The following NOP58 variants were observed in gnomAD, a reference collection of about 807,000 sequenced individuals.
The protein encoded by NOP58 is NOP58 ribonucleoprotein.
NOP58 carries 44 observed loss-of-function variants against 71.2 expected under a neutral mutation model. The observed-to-expected ratio is 0.62, with a 90% confidence interval of 0.49 to 0.79. The LOEUF is 0.79. Among genes scored for constraint, NOP58 ranks in the 30% least tolerant of loss-of-function variants. The pLI, the probability that NOP58 is intolerant of heterozygous loss-of-function variation, is 0.00. For missense variants in NOP58, 538 were observed against 620.2 expected (o/e 0.87, Z 1.41); for synonymous variants, 228 against 200.3 (o/e 1.14, Z -1.17).
intron 13 of NOP58, 101 bp downstream of exon 13, chr2:202,300,468 A>T: frequency 3.2e-6 from 3 of 932,910 alleles, no homozygotes; most frequent in South Asian, 3.5e-5. Context: ...TTATTATAAA[A>T]CTGCTCATTG....
In NOP58 at chr2:202,292,811, A is replaced by G; in HGVS notation, c.815A>G (p.Tyr272Cys). ...IEISEYRTQL[Y>C]EYLQNRMMAI... Reference sequence around the variant, plus strand: ...ATCTCTGAATATCGAACCCAGCTCTATGAATATCTACAAAATCGAATGATG... The same window carrying G: ...ATCTCTGAATATCGAACCCAGCTCTGTGAATATCTACAAAATCGAATGATG... The change falls in exon 9 of 15, where the codon TAT becomes TGT. Residue 272 changes from tyrosine (Y) to cysteine (C), a missense_variant. By Grantham distance (194) the Tyr-to-Cys change is radical. Transcript: ENST00000264279. 2 of 1,612,856 alleles carry G rather than the reference A, an allele frequency of 1.2e-6. No individual in the cohort carries two copies. The highest frequency in any genetic ancestry group is 8.5e-7 in the Non-Finnish European group (1 of 1,178,800).
chr2:202,276,669 A>G (rs547361011), intron 2 of NOP58, among the ~76,000 whole-genome samples: 2 of 151,790 alleles, frequency 1.3e-5, no homozygotes, highest in South Asian at 4.2e-4. Flanking sequence ...GGAAAACCCC[A>G]TCTCTACCAA....
At position 202,277,987 on chromosome 2, in the gene NOP58, G is replaced by A. The variant is rs375767116; in HGVS notation, c.160G>A (p.Ala54Thr). The A allele has an allele frequency of 5.2e-6, 8 of 1,552,862 alleles. No individual in the cohort carries two copies. Among genetic ancestry groups the A allele is most frequent in the Non-Finnish European group, 7.1e-6 (8 of 1,132,036 alleles). ...LKHFEKFQDT[A>T]EALAAFTALM... is the part of the protein sequence containing the mutation. ...ACATTTTGAGAAATTTCAGGATACAGCAGAAGCATTAGCAGGTAAAGTAAA... is the reference window on the plus strand; with the variant it reads ...ACATTTTGAGAAATTTCAGGATACAACAGAAGCATTAGCAGGTAAAGTAAA... The change falls in exon 3 of 15, where the codon GCA becomes ACA. Residue 54 changes from alanine (A) to threonine (T), a missense_variant. By Grantham distance (58) the Ala-to-Thr change is moderately conservative. Transcript: ENST00000264279.
chr2:202,271,854 G>C (rs191147238), intron 1 of NOP58, among the ~76,000 whole-genome samples: 1 of 152,250 alleles, frequency 6.6e-6, no homozygotes, highest in Admixed American at 6.5e-5. Context: ...CGAGGCAGAA[G>C]AATCGCTTGA....
At chr2:202,275,548 C>T (rs76658848) in intron 2 of NOP58, 16,984 of 166,164 alleles carry the variant, frequency 0.1, 1,062 homozygotes, top group South Asian at 0.23. Flanking sequence ...AAGCACTTAC[C>T]GCACACAGGG....
At chr2:202,298,038 G>A (rs983302806) in intron 12 of NOP58, 132 bp downstream of exon 12, 7 of 576,130 alleles carry the variant, frequency 1.2e-5, no homozygotes, top group Non-Finnish European at 2.1e-5. Flanking sequence ...CCAAAATTGT[G>A]TATGTTTATT....
Position 202,265,898 on chromosome 2 carries a change from T to G in NOP58, c.-44T>G. The G allele has an allele frequency of 3.7e-6, 6 of 1,613,774 alleles. No homozygotes were observed. The highest frequency in any genetic ancestry group is 5.1e-6 in the Non-Finnish European group (6 of 1,179,744). The stretch of plus-strand genomic sequence containing the variant: ...GTAGTCGGTGTTTTTGAACTGACTC[T>G]ACAGCTTCTGGCAGGCCGTGCGGCG... On this transcript the variant is annotated 5_prime_UTR_variant, in exon 1 of 15. Coordinates refer to ENST00000264279, the MANE Select transcript of NOP58 (RefSeq NM_015934.5).
At position 202,302,973 on chromosome 2, in the gene NOP58, G is replaced by A. The variant is rs754906388; in HGVS notation, c.1455G>A (p.Lys485=). 2 of 1,610,640 alleles carry A rather than the reference G, an allele frequency of 1.2e-6. No individual in the cohort carries two copies. Among genetic ancestry groups the A allele is most frequent in the Non-Finnish European group, 1.7e-6 (2 of 1,179,228 alleles). The change falls in exon 14 of 15, where the codon AAG becomes AAA. Residue 485 remains lysine (K), a synonymous_variant. Transcript: ENST00000264279. ...CAGAAGAAGAAGAAACATCTGTGAAGAAGAAGAAGAAAAGGGGTAAAAAGA... is the reference window on the plus strand; with the variant it reads ...CAGAAGAAGAAGAAACATCTGTGAAAAAGAAGAAGAAAAGGGGTAAAAAGA... ...KVAEEEETSV[K]KKKKRGKKKH...
intron 12 of NOP58, among the ~76,000 whole-genome samples, chr2:202,299,401 C>T (rs1185375998): frequency 6.6e-6 from 1 of 152,126 alleles, no homozygotes; most frequent in Non-Finnish European, 1.5e-5. Context: ...TGGGCATTCA[C>T]ATTTTCTTTT....
At position 202,294,373 on chromosome 2, in the gene NOP58, C is replaced by T. The variant is rs560619342; in HGVS notation, c.908-1301C>T. On this transcript the variant is annotated intron_variant, in intron 9 of 14. Coordinates refer to ENST00000264279, the MANE Select transcript of NOP58 (RefSeq NM_015934.5). Reference sequence around the variant, plus strand: ...AAAAAAAAGAACTATGTATTTGTTACACTTTTAAAACTATGTCTAGTGCTT... The same window carrying T: ...AAAAAAAAGAACTATGTATTTGTTATACTTTTAAAACTATGTCTAGTGCTT... Among the ~76,000 whole-genome samples the T allele has an allele frequency of 1.0e-4, 15 of 149,228 alleles. No homozygotes were observed. In the East Asian group the frequency reaches 2.8e-3, roughly 27 times the overall value.
At chr2:202,290,946 G>A in intron 7 of NOP58, 179 bp from the exon 8 acceptor site, 5 of 505,554 alleles carry the variant, frequency 9.9e-6, no homozygotes, top group South Asian at 3.9e-5. Flanking sequence ...GACATTTAAT[G>A]TCTAAACTTA....
At chr2:202,294,336 CAAA>C (rs1231907557) in intron 9 of NOP58, among the ~76,000 whole-genome samples, 19 of 71,446 alleles carry the variant, frequency 2.7e-4, no homozygotes, top group Non-Finnish European at 3.7e-4. Context: ...AACTCCATCT[CAAA>C]AAAAAAAAAA....
At chr2:202,297,217 T>C (rs1689008315) in intron 10 of NOP58, among the ~76,000 whole-genome samples, 162 bp from the exon 11 acceptor site, 1 of 152,158 alleles carries the variant, frequency 6.6e-6, no homozygotes, top group Non-Finnish European at 1.5e-5. Flanking sequence ...GAAGTGTTGG[T>C]GGTGATATAT....
rs1394013665 is a variant in NOP58 at position 202,291,822 on chromosome 2, A to AG, written c.780+552_780+553insG. 5.3e-5 allele frequency among the ~76,000 whole-genome samples: 8 copies of AG among 150,596 alleles called. No homozygotes were observed. The East Asian group carries it at 1.4e-3, about 26-fold the overall frequency. On this transcript the variant is annotated intron_variant, in intron 8 of 14. Coordinates refer to ENST00000264279, the MANE Select transcript of NOP58 (RefSeq NM_015934.5). ...ACTCCATCTCAAAAAAAAAAAAAAA[A>AG]AAAAAAAGGATGGCAGACAATTATG...
rs560296765 is a variant in NOP58 at position 202,268,489 on chromosome 2, C to G, written c.45+2503C>G. 4.0e-5 allele frequency among the ~76,000 whole-genome samples: 6 copies of G among 150,810 alleles called. No individual in the cohort carries two copies. In the East Asian group the frequency reaches 1.2e-3, roughly 30 times the overall value. On this transcript the variant is annotated intron_variant, in intron 1 of 14. Coordinates refer to ENST00000264279, the MANE Select transcript of NOP58 (RefSeq NM_015934.5). ...GGCGGAGGTTGTGGTGAGCTGAGAT[C>G]GTGCCATTGCACTCCAGCCTGGGCA...
At chr2:202,269,167 G>T (rs1016851132) in intron 1 of NOP58, among the ~76,000 whole-genome samples, 1 of 146,056 alleles carries the variant, frequency 6.8e-6, no homozygotes, top group South Asian at 2.2e-4. Context: ...TTATTTATTT[G>T]TATTTGTATT....
intron 6 of NOP58, among the ~76,000 whole-genome samples, chr2:202,290,003 G>A (rs1688859020): frequency 1.3e-5 from 2 of 151,988 alleles, no homozygotes; most frequent in African/African-American, 4.8e-5. Context: ...CACCCAGGCT[G>A]GAATGCAGTA....
intron 3 of NOP58, among the ~76,000 whole-genome samples, chr2:202,278,612 G>A (rs1668206381): frequency 1.3e-5 from 2 of 152,142 alleles, no homozygotes; most frequent in Non-Finnish European, 2.9e-5. Flanking sequence ...GACTGCAGTA[G>A]GTCTTACAGT....
chr2:202,275,073 TG>T (rs1196090075), intron 1 of NOP58, 39 bp from the exon 2 acceptor site: 49 of 1,004,866 alleles, frequency 4.9e-5, no homozygotes, highest in Non-Finnish European at 6.6e-5. Flanking sequence ...ATGCCTCACC[TG>T]TACCATTTAA....
Sources: gnomAD v4.1 joint callset for allele counts (sites outside exome capture counted in the v4.1 genomes callset) on GRCh38, gnomAD v4.1.1 for gene constraint, MANE v1.5 for transcripts, NCBI Gene and HGNC (gene_info 2026-07-23, HGNC 2026-07-21) for gene names.